The following LGSN variants were observed in gnomAD, a reference collection of about 807,000 sequenced individuals.
The protein encoded by LGSN is lengsin, lens protein with glutamine synthetase domain, also known as lengsin.
LGSN carries 21 observed loss-of-function variants against 19.5 expected under a neutral mutation model. The ratio of observed to expected loss-of-function variants is 1.07; its 90% CI spans 0.76 to 1.55. LGSN has a LOEUF of 1.55. LGSN is among the 40% of genes most tolerant of loss of function. The pLI is 0.00. For missense variants in LGSN, 673 were observed against 608.5 expected (o/e 1.11, Z -1.12); for synonymous variants, 257 against 215.6 (o/e 1.19, Z -1.68).
the LGSN span, among the ~76,000 whole-genome samples, chr6:63,369,064 A>G: frequency 6.6e-6 from 1 of 152,180 alleles, no homozygotes; most frequent in Admixed American, 6.5e-5. Flanking sequence ...CTGAACAAGG[A>G]AGGGAACATC....
At chr6:63,322,492 C>G (rs1018447268), upstream of LGSN, among the ~76,000 whole-genome samples, 2 of 152,144 alleles carry the variant, frequency 1.3e-5, no homozygotes, top group African/African-American at 4.8e-5. Context: ...TACCTTTCTC[C>G]CGATTTGTTG....
the LGSN span, chr6:63,550,336 G>A: frequency 6.6e-6 from 1 of 152,160 alleles, no homozygotes; most frequent in African/African-American, 2.4e-5. Context: ...GAGTATAAAA[G>A]GAGTTGTGAG....
In LGSN at chr6:63,285,612, T is replaced by A; in HGVS notation, c.305A>T (p.Lys102Met). 1 of 1,614,112 alleles carries A rather than the reference T, an allele frequency of 6.2e-7. No homozygotes were observed. Among genetic ancestry groups the A allele is most frequent in the Non-Finnish European group, 8.5e-7 (1 of 1,179,954 alleles). Reference sequence around the variant, plus strand: ...TTGAAAAAAGTGTGCAGGGATAGTCTTAGACCTGGACACGCCGTGGAGGTC... The same window carrying A: ...TTGAAAAAAGTGTGCAGGGATAGTCATAGACCTGGACACGCCGTGGAGGTC... The part of the protein sequence containing the change: ...ATDLHGVSRS[K>M]TIPAHFFQEK... The change falls in exon 3 of 4, where the codon AAG (lysine) becomes ATG (methionine). Residue 102 changes from lysine to methionine, a missense_variant. Transcript: ENST00000370657.
chr6:63,415,601 T>C, the LGSN span, among the ~76,000 whole-genome samples: 4 of 152,226 alleles, frequency 2.6e-5, no homozygotes, highest in Non-Finnish European at 5.9e-5. Flanking sequence ...TATTTCTACC[T>C]GGTCTCTCCC....
At chr6:63,425,766 A>G in the LGSN span, among the ~76,000 whole-genome samples, 1 of 152,116 alleles carries the variant, frequency 6.6e-6, no homozygotes, top group African/African-American at 2.4e-5. Context: ...CAGTCCAAAA[A>G]TTCAAGACAA....
At chr6:63,284,008 C>A (rs905186889) in intron 3 of LGSN, among the ~76,000 whole-genome samples, 2 of 152,000 alleles carry the variant, frequency 1.3e-5, no homozygotes, top group Non-Finnish European at 2.9e-5. Context: ...CCTCTTAAAC[C>A]TATTTTTAAT....
chr6:63,337,687 C>A, the LGSN span, among the ~76,000 whole-genome samples: 1 of 150,874 alleles, frequency 6.6e-6, no homozygotes, highest in African/African-American at 2.4e-5. Flanking sequence ...GCCTGTGGTC[C>A]TAGCTACTCA....
chr6:63,346,999 G>C, the LGSN span, among the ~76,000 whole-genome samples: 1 of 152,094 alleles, frequency 6.6e-6, no homozygotes, highest in Non-Finnish European at 1.5e-5. Flanking sequence ...AGTCTTTCTG[G>C]TTACCAGCCT....
the LGSN span, among the ~76,000 whole-genome samples, chr6:63,354,309 A>G: frequency 3.3e-5 from 5 of 152,142 alleles, no homozygotes; most frequent in Non-Finnish European, 5.9e-5. Flanking sequence ...TAAATAAATA[A>G]TCCCTTTAAA....
At chr6:63,357,712 A>T in the LGSN span, among the ~76,000 whole-genome samples, 7 of 151,960 alleles carry the variant, frequency 4.6e-5, no homozygotes, top group East Asian at 5.8e-4. Context: ...GTTTGAGTTC[A>T]TTGTAGATTC....
At chr6:63,361,991 C>T in the LGSN span, among the ~76,000 whole-genome samples, 11 of 152,136 alleles carry the variant, frequency 7.2e-5, no homozygotes, top group Non-Finnish European at 1.2e-4. Context: ...GGACACAAAA[C>T]GTAAAACTAT....
chr6:63,365,071 G>T, the LGSN span, among the ~76,000 whole-genome samples: 1 of 151,036 alleles, frequency 6.6e-6, no homozygotes, highest in East Asian at 2.0e-4. Flanking sequence ...CAGAAGACAA[G>T]AAATAACTAA....
the LGSN span, among the ~76,000 whole-genome samples, chr6:63,529,802 T>C: frequency 1.3e-5 from 2 of 152,228 alleles, no homozygotes; most frequent in South Asian, 4.1e-4. Flanking sequence ...CCACATCCTA[T>C]ATTGGCAAAA....
the LGSN span, among the ~76,000 whole-genome samples, chr6:63,347,824 G>T: frequency 1.3e-5 from 2 of 152,180 alleles, no homozygotes; most frequent in South Asian, 4.1e-4. Context: ...TTAAATAAGC[G>T]GTAACTTATT....
chr6:63,532,023 A>G, the LGSN span, among the ~76,000 whole-genome samples: 1 of 149,982 alleles, frequency 6.7e-6, no homozygotes, highest in South Asian at 2.1e-4. Context: ...CTGGTCTTGA[A>G]CTCTTGACCT....
the LGSN span, among the ~76,000 whole-genome samples, chr6:63,497,918 C>CTTTTTTT: frequency 2.5e-5 from 3 of 121,872 alleles, no homozygotes; most frequent in Admixed American, 9.2e-5. Context: ...TGTCATGTTT[C>CTTTTTTT]TTTTTTTTTT....
the LGSN span, among the ~76,000 whole-genome samples, chr6:63,514,368 C>T: frequency 2.0e-5 from 3 of 152,216 alleles, no homozygotes; most frequent in Admixed American, 1.3e-4. Context: ...GCTGGGACTA[C>T]AGCCATGCAC....
At chr6:63,516,963 A>G in the LGSN span, among the ~76,000 whole-genome samples, 1 of 152,170 alleles carries the variant, frequency 6.6e-6, no homozygotes, top group Non-Finnish European at 1.5e-5. Flanking sequence ...ACTCTTCTGG[A>G]TTTCTTGAAT....
At chr6:63,391,655 C>G in the LGSN span, among the ~76,000 whole-genome samples, 2 of 152,170 alleles carry the variant, frequency 1.3e-5, no homozygotes, top group African/African-American at 4.8e-5. Flanking sequence ...GGGAGATCTG[C>G]TTTACGGTTA....
Sources: allele counts gnomAD v4.1 joint callset (sites outside exome capture counted in the v4.1 genomes callset), GRCh38; gene constraint gnomAD v4.1.1; transcripts MANE v1.5; gene names NCBI Gene and HGNC (gene_info 2026-07-23, HGNC 2026-07-21).